B3GALT1: variants seen among roughly 807,000 people sequenced by gnomAD.
B3GALT1 encodes UDP-Gal:betaGlcNAc beta 1,3-galactosyltransferase, polypeptide 1.
Under a neutral mutation model 23.2 loss-of-function variants are expected in B3GALT1, and 10 were observed. The observed-to-expected ratio is 0.43, with a 90% CI of 0.27 to 0.73. The LOEUF (loss-of-function observed/expected upper bound fraction) is 0.73, where lower values mean the gene tolerates loss of function less well. Among genes scored for constraint, B3GALT1 ranks in the 30% least tolerant of loss-of-function variants. The pLI, the probability that B3GALT1 is intolerant of heterozygous loss-of-function variation, is 0.21. For synonymous variants in B3GALT1, 156 were observed against 141.5 expected (o/e 1.10, Z -0.73); for missense variants, 299 against 405.4 (o/e 0.74, Z 2.25).
At chr2:167,379,551 G>T (rs1378170706) in intron 1 of B3GALT1, among the ~76,000 whole-genome samples, 1 of 152,152 alleles carries the variant, frequency 6.6e-6, no homozygotes, top group African/African-American at 2.4e-5. Flanking sequence ...TTGGGTTGTG[G>T]AGTTCAACCT....
chr2:167,634,576 A>G (rs1219221463), intron 2 of B3GALT1, among the ~76,000 whole-genome samples: 2 of 152,164 alleles, frequency 1.3e-5, no homozygotes, highest in African/African-American at 2.4e-5. Context: ...AAACACATCA[A>G]TGCAAGTAAA....
chr2:167,390,168 G>A (rs1230521596), intron 1 of B3GALT1, among the ~76,000 whole-genome samples: 1 of 152,124 alleles, frequency 6.6e-6, no homozygotes, highest in Non-Finnish European at 1.5e-5. Context: ...ATTTATCTGA[G>A]AGGCTGAATC....
intron 1 of B3GALT1, among the ~76,000 whole-genome samples, chr2:167,304,489 T>A (rs1424977632): frequency 6.6e-6 from 1 of 152,094 alleles, no homozygotes; most frequent in African/African-American, 2.4e-5. Context: ...GAGAGCTAAA[T>A]CCAGAGATCC....
chr2:167,632,864 C>A (rs537266974), intron 2 of B3GALT1, among the ~76,000 whole-genome samples: 2 of 152,138 alleles, frequency 1.3e-5, no homozygotes, highest in South Asian at 2.1e-4. Context: ...GTCATGAATT[C>A]TTTGCCCATG....
Position 167,664,267 on chromosome 2 carries a change from GT to G in B3GALT1, c.-352+17303del, listed in dbSNP as rs536075640. On this transcript the variant is annotated intron_variant, in intron 3 of 4. Transcript: ENST00000392690. ...TCTCAGGTTTGTCAAAGATCAGATA[GT>G]TGTAGATGTGTGGCGTTATTTCTGA... Among the ~76,000 whole-genome samples, 49 of 151,432 alleles carry G rather than the reference GT, an allele frequency of 3.2e-4. 2 individuals carry two copies. Among genetic ancestry groups the G allele is most frequent in the African/African-American group, 1.2e-3 (47 of 40,798 alleles).
chr2:167,627,660 T>C (rs1269292471), intron 2 of B3GALT1, among the ~76,000 whole-genome samples: 2 of 151,708 alleles, frequency 1.3e-5, no homozygotes, highest in African/African-American at 2.4e-5. Context: ...TGTGAACTTA[T>C]ATCTTTTTTT....
intron 1 of B3GALT1, among the ~76,000 whole-genome samples, chr2:167,379,415 ATTATT>A (rs1697811507): frequency 6.6e-6 from 1 of 152,038 alleles, no homozygotes; most frequent in Admixed American, 6.5e-5. Flanking sequence ...TATTATTATC[ATTATT>A]TTCTTCCCCT....
At chr2:167,545,401 A>C (rs1305265093) in intron 2 of B3GALT1, among the ~76,000 whole-genome samples, 1 of 152,034 alleles carries the variant, frequency 6.6e-6, no homozygotes, top group Non-Finnish European at 1.5e-5. Context: ...ATCCTATAGA[A>C]TTAGCTTATT....
intron 2 of B3GALT1, among the ~76,000 whole-genome samples, chr2:167,582,723 G>T (rs1684510628): frequency 6.6e-6 from 1 of 152,120 alleles, no homozygotes; most frequent in Non-Finnish European, 1.5e-5. Context: ...GTCTGTGCTG[G>T]CAGGAGTCTA....
intron 3 of B3GALT1, among the ~76,000 whole-genome samples, chr2:167,666,233 G>A (rs1167583712): frequency 1.3e-5 from 2 of 152,200 alleles, no homozygotes; most frequent in Non-Finnish European, 2.9e-5. Context: ...GGTGTAGGTT[G>A]TTCAGTTTCC....
At chr2:167,466,879 AT>A (rs567975404) in intron 1 of B3GALT1, among the ~76,000 whole-genome samples, 3,697 of 85,028 alleles carry the variant, frequency 0.043, 59 homozygotes, top group Non-Finnish European at 0.057. Flanking sequence ...CGCCTGGCTA[AT>A]TTTTTTTTTT....
At chr2:167,372,057 A>G (rs1318726361) in intron 1 of B3GALT1, among the ~76,000 whole-genome samples, 3 of 151,916 alleles carry the variant, frequency 2.0e-5, no homozygotes, top group African/African-American at 7.2e-5. Context: ...TATTTTCACA[A>G]TGTCTAGATA....
intron 3 of B3GALT1, among the ~76,000 whole-genome samples, chr2:167,792,574 AAG>A (rs1688455099): frequency 6.6e-6 from 1 of 152,200 alleles, no homozygotes; most frequent in Non-Finnish European, 1.5e-5. Flanking sequence ...AATGTCCTAA[AAG>A]AGCATTTTAG....
chr2:167,677,454 C>G, intron 3 of B3GALT1, among the ~76,000 whole-genome samples: 1 of 152,322 alleles, frequency 6.6e-6, no homozygotes, highest in Middle Eastern at 3.4e-3. Flanking sequence ...CCACTCTAAC[C>G]TTTTCTTCAC....
At chr2:167,730,354 C>T (rs1202221330) in intron 3 of B3GALT1, among the ~76,000 whole-genome samples, 2 of 152,192 alleles carry the variant, frequency 1.3e-5, no homozygotes, top group African/African-American at 4.8e-5. Flanking sequence ...AATTAGAAAG[C>T]TCTTCAAACT....
intron 3 of B3GALT1, among the ~76,000 whole-genome samples, chr2:167,673,214 A>C (rs1182979410): frequency 1.3e-5 from 2 of 152,100 alleles, no homozygotes; most frequent in Non-Finnish European, 2.9e-5. Context: ...GATGACATGA[A>C]GTATGAGAGG....
At chr2:167,362,879 G>A (rs1387304583) in intron 1 of B3GALT1, among the ~76,000 whole-genome samples, 23 of 151,920 alleles carry the variant, frequency 1.5e-4, no homozygotes, top group African/African-American at 4.8e-4. Context: ...TTTTTGAGAC[G>A]GAGTCTCGCC....
At position 167,646,675 on chromosome 2, in the gene B3GALT1, G is replaced by T. The variant is rs192572020; in HGVS notation, c.-409-234G>T. On this transcript the variant is annotated intron_variant, in intron 2 of 4. Coordinates refer to ENST00000392690, the MANE Select transcript of B3GALT1 (RefSeq NM_020981.4). ...GAAACCATTTATTCCCTGAGGGTGA[G>T]TAAGGACCCACTCCCCCTTGTGAGA... Among the ~76,000 whole-genome samples, 492 of 152,192 alleles carry T rather than the reference G, an allele frequency of 3.2e-3. 3 individuals are homozygous for T. The highest frequency in any genetic ancestry group is 5.1e-3 in the Non-Finnish European group (348 of 68,014).
intron 1 of B3GALT1, among the ~76,000 whole-genome samples, chr2:167,300,316 TC>T (rs1216610346): frequency 6.6e-6 from 1 of 152,212 alleles, no homozygotes; most frequent in African/African-American, 2.4e-5. Flanking sequence ...TTCAAAAGCT[TC>T]CTAAGGGACA....
Sources: allele counts gnomAD v4.1 joint callset (sites outside exome capture counted in the v4.1 genomes callset), GRCh38; gene constraint gnomAD v4.1.1; transcripts MANE v1.5; gene names NCBI Gene and HGNC (gene_info 2026-07-23, HGNC 2026-07-21).